Variants in MYCBP2 observed in about 807,000 individuals in gnomAD.
The protein encoded by MYCBP2 is E3 ubiquitin-protein ligase MYCBP2.
In MYCBP2, 120 loss-of-function variants were observed where a neutral mutation model predicts 525.3. That is an observed-to-expected ratio of 0.23 (90% confidence interval 0.20 to 0.27). MYCBP2 has a LOEUF of 0.27. Ranked by LOEUF, MYCBP2 falls within the 10% of genes least tolerant of loss-of-function variation. The pLI, the probability that MYCBP2 is intolerant of heterozygous loss-of-function variation, is 1.00. For missense variants in MYCBP2, 4,149 were observed against 5,657.1 expected (o/e 0.73, Z 8.55); for synonymous variants, 1,894 against 1,955.8 (o/e 0.97, Z 0.83).
chr13:77,184,916 T>C (rs1012546047), intron 32 of MYCBP2, among the ~76,000 whole-genome samples, 187 bp downstream of exon 32: 3 of 152,350 alleles, frequency 2.0e-5, no homozygotes, highest in East Asian at 1.9e-4. Context: ...ACCAATTTTG[T>C]AACTAAAAGA....
At chr13:77,062,112 T>C (rs780629241) in intron 74 of MYCBP2, among the ~76,000 whole-genome samples, 1 of 152,254 alleles carries the variant, frequency 6.6e-6, no homozygotes, top group African/African-American at 2.4e-5. Flanking sequence ...CTGTTTATTT[T>C]TGAAACTTGA....
At chr13:77,209,936 T>C (rs1416429521) in intron 23 of MYCBP2, among the ~76,000 whole-genome samples, 1 of 152,158 alleles carries the variant, frequency 6.6e-6, no homozygotes, top group Non-Finnish European at 1.5e-5. Flanking sequence ...CTCTTAGAAC[T>C]TGGCTGTCTG....
chr13:77,208,591 G>T (rs753036183), intron 23 of MYCBP2, among the ~76,000 whole-genome samples: 1 of 151,970 alleles, frequency 6.6e-6, no homozygotes, highest in Non-Finnish European at 1.5e-5. Context: ...AATTATTTTT[G>T]AGCAAAAAAT....
intron 30 of MYCBP2, among the ~76,000 whole-genome samples, chr13:77,188,060 G>C (rs992459247): frequency 7.7e-6 from 1 of 129,438 alleles, no homozygotes; most frequent in African/African-American, 3.0e-5. Flanking sequence ...GACAGAGCGA[G>C]ACTCTGCCTC....
At chr13:77,243,226 T>C (rs1346422364) in intron 16 of MYCBP2, 66 bp from the exon 17 acceptor site, 2 of 1,194,476 alleles carry the variant, frequency 1.7e-6, no homozygotes, top group East Asian at 2.3e-5. Context: ...ATGACAGAAC[T>C]ACATAAAATT....
chr13:77,150,662 G>A (rs2056330051), intron 47 of MYCBP2, 72 bp downstream of exon 47: 10 of 1,250,878 alleles, frequency 8.0e-6, no homozygotes, highest in Non-Finnish European at 1.1e-5. Context: ...GTCTGCATCT[G>A]AATCACTGAA....
At position 77,261,211 on chromosome 13, in the gene MYCBP2, G is replaced by T. The variant is rs779789972; in HGVS notation, c.1812C>A (p.Phe604Leu). Residue 604 changes from phenylalanine (F) to leucine (L), a missense_variant, in exon 12 of 83, where the codon TTC becomes TTA. Transcript: ENST00000544440. ...ALLVAEDGSI[F>L]FTGSASKGED... ...CTCCTTTACTAGCAGATCCTGTAAA[G>T]AATATGCTCCCATCTTCTGCAACTA... The T allele has an allele frequency of 2.8e-5, 45 of 1,613,242 alleles. No homozygotes were observed. Among genetic ancestry groups the T allele is most frequent in the African/African-American group, 5.3e-5 (4 of 74,828 alleles).
At chr13:77,191,860 G>C in intron 27 of MYCBP2, 47 bp from the exon 28 acceptor site, 1 of 1,573,660 alleles carries the variant, frequency 6.4e-7, no homozygotes, top group Non-Finnish European at 8.7e-7. Flanking sequence ...TTACTTCTCT[G>C]TCACATATAT....
At chr13:77,285,889 G>GAAAGGAAAGC (rs1335239480) in intron 3 of MYCBP2, among the ~76,000 whole-genome samples, 30 of 126,104 alleles carry the variant, frequency 2.4e-4, no homozygotes, top group East Asian at 5.4e-4. Context: ...GAAAGGAAAG[G>GAAAGGAAAGC]AAAGGAAAGC....
rs1411306726 is a variant in MYCBP2, at chr13:77,327,042, GCCACCACCGCTACCACCGCCA to G, written c.-288_-268del. 2.3e-6 allele frequency: 1 copy of G among 437,796 alleles called. No homozygotes were observed. Among genetic ancestry groups the G allele is most frequent in the Middle Eastern group, 5.7e-4 (1 of 1,754 alleles). The allele number at this position is 437,796 out of a possible 1,614,324, so 27.1% of individuals were successfully genotyped here. On this transcript the variant is annotated 5_prime_UTR_variant, in exon 1 of 83. Transcript: ENST00000544440. ...AGGAGGCGGTGCCGCCACTGCCGCC[GCCACCACCGCTACCACCGCCA>G]CCACCGCCGGGGCTACCCGCAATGG...
chr13:77,099,090 T>TA (rs1281216032), intron 55 of MYCBP2, 77 bp from the exon 56 acceptor site: 5 of 1,537,454 alleles, frequency 3.3e-6, no homozygotes, highest in South Asian at 2.4e-5. Context: ...AACACTGAAA[T>TA]AAAAAAACAT....
intron 50 of MYCBP2, 59 bp from the exon 51 acceptor site, chr13:77,140,222 G>A (rs1384449109): frequency 9.5e-7 from 1 of 1,052,188 alleles, no homozygotes; most frequent in Non-Finnish European, 1.4e-6. Context: ...GATCTTACAA[G>A]TAGCAAGAAG....
At chr13:77,148,969 A>G (rs1214700021) in intron 47 of MYCBP2, among the ~76,000 whole-genome samples, 2 of 152,088 alleles carry the variant, frequency 1.3e-5, no homozygotes, top group Non-Finnish European at 2.9e-5. Flanking sequence ...TTTAAGGCCA[A>G]TGCTACCACT....
chr13:77,289,297 T>C (rs2077221981), intron 2 of MYCBP2, among the ~76,000 whole-genome samples: 1 of 151,990 alleles, frequency 6.6e-6, no homozygotes, highest in Admixed American at 6.6e-5. Flanking sequence ...ATTACAAATA[T>C]CTCATCCAAA....
At position 77,194,786 on chromosome 13, in the gene MYCBP2, T is replaced by A. The variant is rs1361088324; in HGVS notation, c.3844-542A>T. On this transcript the variant is annotated intron_variant, in intron 26 of 82. Coordinates refer to ENST00000544440, the MANE Select transcript of MYCBP2 (RefSeq NM_015057.5). ...AACAATAAAAAAGGGTAGAGAAATA[T>A]TAGCTACAGAGAGAGAAGAGCAACA... Among the ~76,000 whole-genome samples, 3 of 151,950 alleles carry A rather than the reference T, an allele frequency of 2.0e-5. No individual in the cohort carries two copies. The East Asian group carries it at 5.8e-4, about 29-fold the overall frequency.
chr13:77,141,916 G>A (rs1377466769), intron 49 of MYCBP2, among the ~76,000 whole-genome samples: 2 of 152,036 alleles, frequency 1.3e-5, no homozygotes, highest in African/African-American at 4.8e-5. Context: ...CCCATTGATG[G>A]CATCGGAGAA....
At position 77,083,088 on chromosome 13, in the gene MYCBP2, G is replaced by T. The variant is rs1011101352; in HGVS notation, c.10980C>A (p.Ile3660=). The change falls in exon 63 of 83, where the codon ATC becomes ATA. Residue 3660 remains isoleucine (I), a synonymous_variant. Coordinates refer to ENST00000544440, the MANE Select transcript of MYCBP2 (RefSeq NM_015057.5). Reference sequence around the variant, plus strand: ...TGGGGAGAGACATCATAAGGTCTGAGATGGTCTGCAGCAAGCGGTGAAAGG... The same window carrying T: ...TGGGGAGAGACATCATAAGGTCTGATATGGTCTGCAGCAAGCGGTGAAAGG... ...PHTFHRLLQT[I]SDLMMSLPSG... The T allele has an allele frequency of 1.2e-6, 2 of 1,613,502 alleles. No homozygotes were observed. Among genetic ancestry groups the T allele is most frequent in the Admixed American group, 1.7e-5 (1 of 59,944 alleles).
At chr13:77,057,267 A>C (rs2038284134) in intron 78 of MYCBP2, among the ~76,000 whole-genome samples, 174 bp from the exon 79 acceptor site, 1 of 152,224 alleles carries the variant, frequency 6.6e-6, no homozygotes, top group South Asian at 2.1e-4. Flanking sequence ...TATTTACTAA[A>C]TTTCATTACA....
chr13:77,073,994 T>G (rs1301503389), intron 68 of MYCBP2, among the ~76,000 whole-genome samples: 4 of 120,758 alleles, frequency 3.3e-5, no homozygotes, highest in Non-Finnish European at 3.4e-5. Flanking sequence ...CAAAATTCCA[T>G]CCCCACCGCC....
Sources: gnomAD v4.1 joint callset for allele counts (sites outside exome capture counted in the v4.1 genomes callset) on GRCh38, gnomAD v4.1.1 for gene constraint, MANE v1.5 for transcripts, NCBI Gene and HGNC (gene_info 2026-07-23, HGNC 2026-07-21) for gene names.